SORCS3: variants seen among roughly 807,000 people sequenced by gnomAD.
SORCS3 encodes VPS10 domain-containing receptor SorCS3.
In SORCS3, 57 loss-of-function variants were observed where a neutral mutation model predicts 146.3. That is an observed-to-expected ratio of 0.39 (90% CI 0.31 to 0.49). SORCS3 has a LOEUF of 0.49. SORCS3 is among the 20% of genes least tolerant of loss of function. SORCS3 has a pLI of 0.92. For synonymous variants in SORCS3, 653 were observed against 618.5 expected, an observed-to-expected ratio of 1.06 and a Z score of -0.83; for missense variants, 1,341 against 1,575.5, an observed-to-expected ratio of 0.85 and a Z score of 2.52.
At chr10:105,180,672 G>A (rs965534426) in intron 14 of SORCS3, among the ~76,000 whole-genome samples, 1 of 152,130 alleles carries the variant, frequency 6.6e-6, no homozygotes, top group Admixed American at 6.5e-5. Flanking sequence ...TGGCCTACAA[G>A]TATCTATATT....
At chr10:104,956,877 C>T (rs559775623) in intron 3 of SORCS3, among the ~76,000 whole-genome samples, 2 of 152,226 alleles carry the variant, frequency 1.3e-5, no homozygotes, top group Admixed American at 1.3e-4. Flanking sequence ...AATTTTGTTA[C>T]CCCCACAGAC....
Position 105,129,809 on chromosome 10 carries a change from T to C in SORCS3, c.1213-9588T>C, listed in dbSNP as rs570914559. On this transcript the variant is annotated intron_variant, in intron 7 of 26. Transcript: ENST00000369701. ...AACACAAAGATAAGTCTCGAAGCCA[T>C]TAATGGTCAAGTCTCTTGGAGATCT... Among the ~76,000 whole-genome samples the C allele has an allele frequency of 3.3e-5, 5 of 152,198 alleles. No homozygotes were observed. In the East Asian group the frequency reaches 9.7e-4, roughly 29 times the overall value.
intron 3 of SORCS3, among the ~76,000 whole-genome samples, chr10:104,950,728 G>A (rs904593987): frequency 2.0e-5 from 3 of 152,130 alleles, no homozygotes; most frequent in Admixed American, 2.0e-4. Flanking sequence ...AAGGAAGGGA[G>A]GAGTAGGTTT....
chr10:105,044,261 T>G (rs1448006316), intron 5 of SORCS3, among the ~76,000 whole-genome samples: 1 of 152,038 alleles, frequency 6.6e-6, no homozygotes, highest in Admixed American at 6.6e-5. Flanking sequence ...TCCCAGCTAC[T>G]CAGGAGGCTG....
chr10:105,148,113 T>C (rs1191388375), intron 9 of SORCS3, among the ~76,000 whole-genome samples: 2 of 152,144 alleles, frequency 1.3e-5, no homozygotes, highest in East Asian at 1.9e-4. Context: ...GCCTAGGTGA[T>C]TTTTTAAGTA....
intron 13 of SORCS3, among the ~76,000 whole-genome samples, chr10:105,176,489 G>C (rs2056403528): frequency 6.6e-6 from 1 of 152,032 alleles, no homozygotes; most frequent in African/African-American, 2.4e-5. Context: ...AGAGTTCAAG[G>C]CTGCAATGAG....
intron 1 of SORCS3, among the ~76,000 whole-genome samples, chr10:104,702,455 T>C (rs1016967658): frequency 1.3e-5 from 2 of 152,056 alleles, no homozygotes; most frequent in Admixed American, 1.3e-4. Flanking sequence ...GCCTGGCAAA[T>C]TTTTATGTTT....
chr10:104,895,967 T>G (rs577308505), intron 2 of SORCS3, among the ~76,000 whole-genome samples: 1 of 152,374 alleles, frequency 6.6e-6, no homozygotes, highest in East Asian at 1.9e-4. Context: ...CATAGATTTG[T>G]AACTTCAGAA....
At chr10:104,786,885 T>G (rs1006520925) in intron 1 of SORCS3, among the ~76,000 whole-genome samples, 1 of 152,150 alleles carries the variant, frequency 6.6e-6, no homozygotes, top group Non-Finnish European at 1.5e-5. Flanking sequence ...TTCAGAACCT[T>G]CCACCACCCC....
intron 2 of SORCS3, among the ~76,000 whole-genome samples, chr10:104,875,127 AG>A (rs748600124): frequency 1.3e-5 from 2 of 152,222 alleles, no homozygotes; most frequent in African/African-American, 4.8e-5. Context: ...TACTCTTCAA[AG>A]AAAGGAATCA....
intron 5 of SORCS3, among the ~76,000 whole-genome samples, chr10:105,087,680 C>T (rs1378645328): frequency 6.6e-6 from 1 of 152,164 alleles, no homozygotes; most frequent in East Asian, 1.9e-4. Context: ...ATATGTACTA[C>T]ACACATAGGT....
intron 1 of SORCS3, among the ~76,000 whole-genome samples, chr10:104,823,827 T>A (rs1465616000): frequency 6.6e-6 from 1 of 152,204 alleles, no homozygotes; most frequent in East Asian, 1.9e-4. Flanking sequence ...AGCAGTCAGC[T>A]GAGTTTAAGA....
chr10:105,263,279 C>T, intron 26 of SORCS3, 31 bp from the exon 27 acceptor site: 1 of 1,609,372 alleles, frequency 6.2e-7, no homozygotes, highest in East Asian at 2.2e-5. Flanking sequence ...AACTCACATC[C>T]ATTTCTCCCT....
chr10:105,014,120 T>TACATATATATATACACATATATAC (rs2055151763), intron 4 of SORCS3, among the ~76,000 whole-genome samples: 1 of 148,256 alleles, frequency 6.7e-6, no homozygotes, highest in African/African-American at 2.5e-5. Context: ...CACATATATA[T>TACATATATATATACACATATATAC]ACATATATAT....
At chr10:105,116,723 T>C (rs1049145268) in intron 7 of SORCS3, among the ~76,000 whole-genome samples, 16 of 152,098 alleles carry the variant, frequency 1.1e-4, no homozygotes, top group African/African-American at 3.6e-4. Flanking sequence ...AACAAGATTA[T>C]GTCCTTTGCA....
chr10:104,718,328 G>A (rs946111541), intron 1 of SORCS3, among the ~76,000 whole-genome samples: 5 of 152,028 alleles, frequency 3.3e-5, no homozygotes, highest in South Asian at 2.1e-4. Flanking sequence ...AAGAGAGGGC[G>A]AAACTTGCCT....
chr10:104,943,637 C>T (rs991547704), intron 3 of SORCS3, among the ~76,000 whole-genome samples: 1 of 152,036 alleles, frequency 6.6e-6, no homozygotes, highest in Non-Finnish European at 1.5e-5. Flanking sequence ...ATCCTTATTT[C>T]CCCCCACTCT....
intron 1 of SORCS3, among the ~76,000 whole-genome samples, chr10:104,810,595 A>T (rs561553846): frequency 6.6e-6 from 1 of 152,356 alleles, no homozygotes; most frequent in African/African-American, 2.4e-5. Flanking sequence ...ATAATGCTTT[A>T]TGACCTTCCT....
chr10:105,169,958 C>G (rs1034428633), intron 13 of SORCS3, among the ~76,000 whole-genome samples: 3 of 152,136 alleles, frequency 2.0e-5, no homozygotes, highest in Admixed American at 2.0e-4. Context: ...GCAACCGACC[C>G]TTAAACTTGG....
Sources: allele counts gnomAD v4.1 joint callset (sites outside exome capture counted in the v4.1 genomes callset), GRCh38; gene constraint gnomAD v4.1.1; transcripts MANE v1.5; gene names NCBI Gene and HGNC (gene_info 2026-07-23, HGNC 2026-07-21).